Variants in MAST4 observed in about 807,000 individuals in gnomAD.
MAST4 encodes microtubule-associated serine/threonine-protein kinase 4.
MAST4 carries 89 observed loss-of-function variants against 162.7 expected under a neutral mutation model. That is an observed-to-expected ratio of 0.55 (90% CI 0.46 to 0.65). The LOEUF (loss-of-function observed/expected upper bound fraction) is 0.65, where lower values mean the gene tolerates loss of function less well. MAST4 is among the 30% of genes least tolerant of loss of function. The pLI is 0.00. For synonymous variants in MAST4, 1,479 were observed against 1,361.1 expected, an observed-to-expected ratio of 1.09 and a Z score of -1.91; for missense variants, 3,153 against 3,374.0, an observed-to-expected ratio of 0.93 and a Z score of 1.62.
chr5:66,815,502 A>G (rs1033806871), intron 3 of MAST4, among the ~76,000 whole-genome samples: 5 of 152,214 alleles, frequency 3.3e-5, no homozygotes, highest in Non-Finnish European at 7.3e-5. Flanking sequence ...AACAGTATAT[A>G]TGGGGCTTGG....
At chr5:66,952,023 G>T (rs1293180816) in intron 4 of MAST4, among the ~76,000 whole-genome samples, 1 of 152,050 alleles carries the variant, frequency 6.6e-6, no homozygotes, top group East Asian at 1.9e-4. Flanking sequence ...TTGATCTCAT[G>T]CATTTCTCTT....
At chr5:67,160,839 A>G (rs2151112903) in intron 27 of MAST4, among the ~76,000 whole-genome samples, 1 of 152,320 alleles carries the variant, frequency 6.6e-6, no homozygotes, top group Middle Eastern at 3.4e-3. Flanking sequence ...ATGTCAGGAA[A>G]AGCCCTTTGC....
intron 1 of MAST4, among the ~76,000 whole-genome samples, chr5:66,690,060 A>G (rs998330187): frequency 6.6e-6 from 1 of 152,140 alleles, no homozygotes; most frequent in Non-Finnish European, 1.5e-5. Flanking sequence ...GTAATGATTA[A>G]TCTGTGTGAG....
intron 1 of MAST4, among the ~76,000 whole-genome samples, chr5:66,620,030 A>G (rs574035159): frequency 7.0e-6 from 1 of 143,660 alleles, no homozygotes; most frequent in Admixed American, 7.2e-5. Flanking sequence ...CTTAAATGGA[A>G]TGAAAGACTT....
chr5:66,615,076 C>T (rs556918669), intron 1 of MAST4, among the ~76,000 whole-genome samples: 4 of 152,160 alleles, frequency 2.6e-5, no homozygotes, highest in South Asian at 4.2e-4. Flanking sequence ...AGTTGAGGCT[C>T]CTCTCAGTTG....
chr5:66,985,941 C>T (rs1339532349), intron 4 of MAST4, among the ~76,000 whole-genome samples: 1 of 152,178 alleles, frequency 6.6e-6, no homozygotes, highest in Non-Finnish European at 1.5e-5. Flanking sequence ...ATGTAGACAG[C>T]ACAGTGTGTA....
chr5:66,615,407 G>A (rs968382063), intron 1 of MAST4, among the ~76,000 whole-genome samples: 4 of 152,122 alleles, frequency 2.6e-5, no homozygotes, highest in Non-Finnish European at 5.9e-5. Flanking sequence ...TGACCATGAG[G>A]ATTTTGGCAG....
At chr5:67,013,710 G>A (rs1752955001) in intron 4 of MAST4, among the ~76,000 whole-genome samples, 1 of 151,900 alleles carries the variant, frequency 6.6e-6, no homozygotes, top group Non-Finnish European at 1.5e-5. Context: ...AAATGCAATA[G>A]GATGGATATA....
chr5:67,110,073 C>T (rs747018719), intron 10 of MAST4, 25 bp from the exon 11 acceptor site: 10 of 1,530,460 alleles, frequency 6.5e-6, no homozygotes, highest in Non-Finnish European at 9.1e-6. Flanking sequence ...TCTGCATCAT[C>T]ACTCTCTTTA....
At chr5:66,860,827 C>T (rs959502388) in intron 3 of MAST4, among the ~76,000 whole-genome samples, 1 of 151,726 alleles carries the variant, frequency 6.6e-6, no homozygotes, top group Non-Finnish European at 1.5e-5. Flanking sequence ...TAGCATGCTT[C>T]CTTCCTACTT....
At chr5:66,773,944 C>T (rs1015632103) in intron 2 of MAST4, among the ~76,000 whole-genome samples, 6 of 152,242 alleles carry the variant, frequency 3.9e-5, no homozygotes, top group African/African-American at 7.2e-5. Context: ...TAAGGTTGTG[C>T]AGCTCCCAGC....
At chr5:66,613,488 A>G (rs1359976458) in intron 1 of MAST4, among the ~76,000 whole-genome samples, 1 of 152,142 alleles carries the variant, frequency 6.6e-6, no homozygotes, top group Non-Finnish European at 1.5e-5. Context: ...GTATAGCTGG[A>G]AAAACTTCTT....
chr5:67,036,151 A>G (rs1049403032), intron 4 of MAST4, among the ~76,000 whole-genome samples: 1 of 152,182 alleles, frequency 6.6e-6, no homozygotes, highest in Non-Finnish European at 1.5e-5. Flanking sequence ...AGGAAAAAAT[A>G]CTTTTCATTC....
chr5:67,078,870 A>T (rs11744015), intron 5 of MAST4, among the ~76,000 whole-genome samples: 106 of 109,196 alleles, frequency 9.7e-4, no homozygotes, highest in Non-Finnish European at 1.3e-3. Context: ...ATAAATATAT[A>T]TTTATATAAA....
chr5:66,843,229 G>A (rs1758550322), intron 3 of MAST4, among the ~76,000 whole-genome samples: 1 of 152,128 alleles, frequency 6.6e-6, no homozygotes, highest in Non-Finnish European at 1.5e-5. Context: ...CATTTTCTTT[G>A]TTTGATAGTT....
chr5:66,798,814 G>A (rs758273158), intron 3 of MAST4, among the ~76,000 whole-genome samples: 133 of 152,264 alleles, frequency 8.7e-4, no homozygotes, highest in Non-Finnish European at 1.7e-3. Flanking sequence ...GATGCATCCT[G>A]CCTTGTTTAT....
chr5:66,923,340 G>A (rs1174493708), intron 4 of MAST4, among the ~76,000 whole-genome samples: 1 of 152,138 alleles, frequency 6.6e-6, no homozygotes, highest in Admixed American at 6.5e-5. Flanking sequence ...TTGTCGTCTT[G>A]GGATACGTTA....
chr5:66,995,584 G>A (rs536114021), intron 4 of MAST4, among the ~76,000 whole-genome samples: 1 of 152,270 alleles, frequency 6.6e-6, no homozygotes, highest in South Asian at 2.1e-4. Flanking sequence ...TGTATTTTTA[G>A]TAGAGACGGG....
Position 67,102,291 on chromosome 5 carries a change from TA to T in MAST4, c.1071-244del, listed in dbSNP as rs1765115209. 2.0e-5 allele frequency among the ~76,000 whole-genome samples: 3 copies of T among 152,342 alleles called. No homozygotes were observed. In the South Asian group the frequency reaches 6.2e-4, roughly 32 times the overall value. On this transcript the variant is annotated intron_variant, in intron 8 of 28. Coordinates refer to ENST00000403625, the MANE Select transcript of MAST4 (RefSeq NM_001164664.2). ...TTCTGAACTAGTATTGTATTGTAAC[TA>T]TGATGATTTTGTGGCATTCCACTTC...
Sources: allele counts gnomAD v4.1 joint callset (sites outside exome capture counted in the v4.1 genomes callset), GRCh38; gene constraint gnomAD v4.1.1; transcripts MANE v1.5; gene names NCBI Gene and HGNC (gene_info 2026-07-23, HGNC 2026-07-21).